Variants in ANOS1 observed in about 807,000 individuals in gnomAD.
ANOS1 encodes anosmin-1.
Under a neutral mutation model 59.0 loss-of-function variants are expected in ANOS1, and 6 were observed. The ratio of observed to expected loss-of-function variants is 0.10; its 90% CI spans 0.06 to 0.20. The LOEUF (loss-of-function observed/expected upper bound fraction) is 0.20, where lower values mean the gene tolerates loss of function less well. Ranked by LOEUF, ANOS1 falls within the 10% of genes least tolerant of loss-of-function variation. The pLI is 1.00. For synonymous variants in ANOS1, 217 were observed against 223.4 expected, an observed-to-expected ratio of 0.97 and a Z score of 0.25; for missense variants, 433 against 542.3, an observed-to-expected ratio of 0.80 and a Z score of 2.00.
chrX:8,609,384 T>G (rs1385773093), intron 3 of ANOS1, among the ~76,000 whole-genome samples: 1 of 112,066 alleles, frequency 8.9e-6, no homozygotes, highest in Non-Finnish European at 1.9e-5. Context: ...TCAGCTAGAT[T>G]ATAGAGGCTG....
chrX:8,621,737 A>C (rs940394672), intron 3 of ANOS1, among the ~76,000 whole-genome samples: 3 of 111,802 alleles, frequency 2.7e-5, no homozygotes, highest in Admixed American at 9.6e-5. Flanking sequence ...AACTGAATTC[A>C]TAGAGTAAGT....
At chrX:8,594,658 G>GTGTATATA (rs1555895592) in intron 4 of ANOS1, among the ~76,000 whole-genome samples, 14 of 33,550 alleles carry the variant, frequency 4.2e-4, no homozygotes, top group South Asian at 2.1e-3. Flanking sequence ...ATATATATGT[G>GTGTATATA]TATATATATA....
At chrX:8,571,472 A>G (rs1930232911) in intron 6 of ANOS1, among the ~76,000 whole-genome samples, 1 of 112,035 alleles carries the variant, frequency 8.9e-6, no homozygotes, top group African/African-American at 3.2e-5. Flanking sequence ...CAATTCTTGC[A>G]TCAGTTAAGA....
intron 2 of ANOS1, among the ~76,000 whole-genome samples, chrX:8,653,630 G>A (rs760032240): frequency 6.3e-5 from 7 of 111,488 alleles, no homozygotes; most frequent in East Asian, 2.8e-4. Flanking sequence ...CTTACTTGTC[G>A]GAAAATAAAC....
At chrX:8,678,886 G>A (rs1010658189) in intron 2 of ANOS1, among the ~76,000 whole-genome samples, 1 of 111,674 alleles carries the variant, frequency 9.0e-6, no homozygotes, top group Non-Finnish European at 1.9e-5. Context: ...GATGCCAAAC[G>A]ATCTGGGGAG....
At chrX:8,593,333 C>CA (rs1316859062) in intron 4 of ANOS1, among the ~76,000 whole-genome samples, 3 of 111,602 alleles carry the variant, frequency 2.7e-5, no homozygotes, top group Non-Finnish European at 5.6e-5. Flanking sequence ...TGAAATGTGT[C>CA]AATACTTCTC....
At chrX:8,701,225 G>C (rs1932753993) in intron 1 of ANOS1, among the ~76,000 whole-genome samples, 1 of 110,655 alleles carries the variant, frequency 9.0e-6, no homozygotes, top group African/African-American at 3.3e-5. Context: ...TGAAGTTCAA[G>C]GTGGAGATGA....
At chrX:8,558,956 A>AT (rs1404407862) in intron 8 of ANOS1, among the ~76,000 whole-genome samples, 1 of 112,519 alleles carries the variant, frequency 8.9e-6, no homozygotes, top group Non-Finnish European at 1.9e-5. Flanking sequence ...ACAAGAACCC[A>AT]TTCAGTAATT....
chrX:8,668,987 T>C (rs2146879168), intron 2 of ANOS1, among the ~76,000 whole-genome samples: 1 of 112,234 alleles, frequency 8.9e-6, no homozygotes, highest in East Asian at 2.8e-4. Context: ...CTTGCTTATC[T>C]GCAGCTGCTC....
intron 3 of ANOS1, among the ~76,000 whole-genome samples, chrX:8,608,172 C>T (rs962589234): frequency 2.7e-5 from 3 of 111,916 alleles, no homozygotes; most frequent in Non-Finnish European, 3.8e-5. Flanking sequence ...AAATATTACC[C>T]TAAGCCTTAA....
intron 2 of ANOS1, among the ~76,000 whole-genome samples, chrX:8,664,049 G>T (rs987611711): frequency 5.4e-5 from 6 of 111,313 alleles, no homozygotes; most frequent in Admixed American, 1.9e-4. Context: ...CCTGTCAAAG[G>T]GGTGGGGGAA....
chrX:8,624,474 ATATG>A (rs1372438643), intron 2 of ANOS1, among the ~76,000 whole-genome samples: 4 of 109,479 alleles, frequency 3.7e-5, no homozygotes, highest in African/African-American at 1.3e-4. Flanking sequence ...GTATGTACAC[ATATG>A]TATTATTGTT....
chrX:8,588,471 T>G (rs1274201659), intron 4 of ANOS1, among the ~76,000 whole-genome samples: 3 of 97,540 alleles, frequency 3.1e-5, no homozygotes, highest in African/African-American at 1.0e-4. Flanking sequence ...TCTCAGGGAG[T>G]TTTTCATTTA....
At chrX:8,594,722 A>C (rs1930698136) in intron 4 of ANOS1, among the ~76,000 whole-genome samples, 1 of 81,792 alleles carries the variant, frequency 1.2e-5, no homozygotes, top group Non-Finnish European at 2.3e-5. Context: ...ACATATATAT[A>C]TCTACATATA....
chrX:8,642,730 C>T (rs1019317596), intron 2 of ANOS1, among the ~76,000 whole-genome samples: 1 of 111,344 alleles, frequency 9.0e-6, no homozygotes, highest in African/African-American at 3.3e-5. Context: ...GCACATGGAT[C>T]GGTATCTCTT....
chrX:8,725,057 C>T (rs1932901103), intron 1 of ANOS1, among the ~76,000 whole-genome samples: 1 of 111,496 alleles, frequency 9.0e-6, no homozygotes, highest in Admixed American at 9.5e-5. Flanking sequence ...TAGATGATGC[C>T]CAGAAATTAT....
intron 9 of ANOS1, among the ~76,000 whole-genome samples, chrX:8,542,974 T>C: frequency 9.0e-6 from 1 of 111,256 alleles, no homozygotes; most frequent in Non-Finnish European, 1.9e-5. Context: ...CAGACACTCC[T>C]CTCGTTCCCA....
In ANOS1 at chrX:8,551,227, CAAG is replaced by C. The variant is rs752089527; in HGVS notation, c.1354+2722_1354+2724del. On this transcript the variant is annotated intron_variant, in intron 9 of 13. Transcript: ENST00000262648. Reference sequence around the variant, plus strand: ...CTAATACAAAAGATGAAACAGTGGACAAGAAGACAAGAAAGGAGAATATCTTTG... The same window carrying C: ...CTAATACAAAAGATGAAACAGTGGACAAGACAAGAAAGGAGAATATCTTTG... 2.5e-3 allele frequency among the ~76,000 whole-genome samples: 283 copies of C among 111,712 alleles called. 2 individuals carry two copies. The highest frequency in any genetic ancestry group is 8.6e-3 in the African/African-American group (264 of 30,668).
intron 2 of ANOS1, among the ~76,000 whole-genome samples, chrX:8,685,298 A>G (rs1347100977): frequency 9.1e-6 from 1 of 109,707 alleles, no homozygotes; most frequent in African/African-American, 3.3e-5. Flanking sequence ...TGGCCATTCC[A>G]TTATCGTTAA....
Sources: gnomAD v4.1 joint callset for allele counts (sites outside exome capture counted in the v4.1 genomes callset) on GRCh38, gnomAD v4.1.1 for gene constraint, MANE v1.5 for transcripts, NCBI Gene and HGNC (gene_info 2026-07-23, HGNC 2026-07-21) for gene names.